The following PLXDC2 variants were observed in gnomAD, a reference collection of about 807,000 sequenced individuals.
PLXDC2 encodes plexin domain containing 2.
In PLXDC2, 40 loss-of-function variants were observed where a neutral mutation model predicts 68.9. The ratio of observed to expected loss-of-function variants is 0.58; its 90% CI spans 0.45 to 0.76. The LOEUF is 0.76. Among genes scored for constraint, PLXDC2 ranks in the 30% least tolerant of loss-of-function variants. The pLI is 0.00. For missense variants in PLXDC2, 644 were observed against 661.9 expected, an observed-to-expected ratio of 0.97 and a Z score of 0.30; for synonymous variants, 243 against 234.2, an observed-to-expected ratio of 1.04 and a Z score of -0.34.
chr10:20,122,006 G>A (rs2131761946), intron 4 of PLXDC2, among the ~76,000 whole-genome samples: 1 of 152,056 alleles, frequency 6.6e-6, no homozygotes, highest in East Asian at 1.9e-4. Context: ...TATACTTGTG[G>A]GTTAAGGTGG....
chr10:20,090,631 A>G (rs1833263886), intron 4 of PLXDC2, among the ~76,000 whole-genome samples: 1 of 152,174 alleles, frequency 6.6e-6, no homozygotes, highest in Non-Finnish European at 1.5e-5. Context: ...CAAGGTAGAA[A>G]AAAATTACAG....
chr10:19,880,135 A>AT (rs962751084), intron 1 of PLXDC2, among the ~76,000 whole-genome samples: 3 of 152,176 alleles, frequency 2.0e-5, no homozygotes, highest in African/African-American at 7.2e-5. Flanking sequence ...TTTACTAATA[A>AT]TTTTTTTGGT....
intron 13 of PLXDC2, among the ~76,000 whole-genome samples, chr10:20,272,820 A>G (rs1835956754): frequency 6.6e-6 from 1 of 152,222 alleles, no homozygotes; most frequent in African/African-American, 2.4e-5. Context: ...TTACTGACAT[A>G]ATAAATAAGC....
At chr10:20,208,036 A>G (rs1835016509) in intron 9 of PLXDC2, among the ~76,000 whole-genome samples, 1 of 152,194 alleles carries the variant, frequency 6.6e-6, no homozygotes, top group Non-Finnish European at 1.5e-5. Context: ...AAGATTGCAA[A>G]GTAATGCTTT....
At chr10:20,159,202 C>A (rs7069721) in intron 6 of PLXDC2, among the ~76,000 whole-genome samples, 1 of 151,894 alleles carries the variant, frequency 6.6e-6, no homozygotes, top group African/African-American at 2.4e-5. Flanking sequence ...TATGTTGTTC[C>A]CTGCATATCG....
intron 1 of PLXDC2, among the ~76,000 whole-genome samples, chr10:19,877,839 A>G (rs1194292539): frequency 1.3e-5 from 2 of 152,220 alleles, no homozygotes; most frequent in African/African-American, 4.8e-5. Context: ...TTAAAGCTTT[A>G]ATGAGTTTTC....
intron 1 of PLXDC2, among the ~76,000 whole-genome samples, chr10:19,956,450 A>C (rs1023188192): frequency 7.9e-5 from 12 of 152,210 alleles, no homozygotes; most frequent in African/African-American, 2.7e-4. Context: ...ATGTACAATT[A>C]CATGTGTGTC....
intron 4 of PLXDC2, among the ~76,000 whole-genome samples, chr10:20,111,717 G>A (rs1036343085): frequency 1.3e-5 from 2 of 152,098 alleles, no homozygotes; most frequent in Admixed American, 6.5e-5. Context: ...CGAGTCTCAC[G>A]GTTACTCCTT....
intron 9 of PLXDC2, among the ~76,000 whole-genome samples, chr10:20,207,766 G>A (rs1419184524): frequency 1.3e-5 from 2 of 152,106 alleles, no homozygotes; most frequent in Non-Finnish European, 2.9e-5. Context: ...AATTTAGGAT[G>A]CCAAATCCCA....
rs1226746835 is a variant in PLXDC2 at position 20,044,211 on chromosome 10, G to GTCTTTCTTTCTTTCTT, written c.325-2589_325-2574dup. On this transcript the variant is annotated intron_variant, in intron 2 of 13. Transcript: ENST00000377252. Reference sequence around the variant, plus strand: ...TTTCTTTCTCTCTCTCTCTCTCTCTGTCTTTCTTTCTTTCTTTCTTTCTTT... The same window carrying GTCTTTCTTTCTTTCTT: ...TTTCTTTCTCTCTCTCTCTCTCTCTGTCTTTCTTTCTTTCTTTCTTTCTTTCTTTCTTTCTTTCTTT... 2.1e-3 allele frequency among the ~76,000 whole-genome samples: 144 copies of GTCTTTCTTTCTTTCTT among 68,590 alleles called. 2 individuals are homozygous for GTCTTTCTTTCTTTCTT. Among genetic ancestry groups the GTCTTTCTTTCTTTCTT allele is most frequent in the Admixed American group, 3.8e-3 (22 of 5,790 alleles). 45.0% of individuals were successfully genotyped at this position (68,590 alleles called of 152,430 possible).
chr10:20,081,594 C>T (rs553022927), intron 4 of PLXDC2, among the ~76,000 whole-genome samples: 2 of 151,980 alleles, frequency 1.3e-5, no homozygotes, highest in African/African-American at 2.4e-5. Flanking sequence ...CTAGGAAGCT[C>T]GGAGAAAAAC....
chr10:20,047,074 T>A (rs981195263), intron 3 of PLXDC2, 59 bp downstream of exon 3: 14 of 1,493,824 alleles, frequency 9.4e-6, no homozygotes, highest in Non-Finnish European at 1.2e-5. Flanking sequence ...ATTGCTTTAA[T>A]TGGCCTACAA....
At chr10:20,223,969 T>C (rs1835252159) in intron 12 of PLXDC2, among the ~76,000 whole-genome samples, 1 of 115,606 alleles carries the variant, frequency 8.7e-6, no homozygotes, top group African/African-American at 4.3e-5. Flanking sequence ...AATCCTAGAA[T>C]GTATTTTTTT....
chr10:20,153,103 C>T (rs774379612), intron 6 of PLXDC2, among the ~76,000 whole-genome samples: 18 of 152,086 alleles, frequency 1.2e-4, no homozygotes, highest in Non-Finnish European at 2.1e-4. Context: ...ATGTATTTTT[C>T]TTCAGCTCCA....
chr10:20,210,744 C>T (rs2131856969), intron 9 of PLXDC2, among the ~76,000 whole-genome samples: 1 of 152,194 alleles, frequency 6.6e-6, no homozygotes, highest in South Asian at 2.1e-4. Context: ...GAGTGGAATC[C>T]AGGAGAGACC....
At chr10:20,221,036 T>A (rs1835204725) in intron 12 of PLXDC2, among the ~76,000 whole-genome samples, 1 of 151,650 alleles carries the variant, frequency 6.6e-6, no homozygotes, top group South Asian at 2.1e-4. Context: ...AGAGACGGGG[T>A]TTCATCATGT....
intron 12 of PLXDC2, among the ~76,000 whole-genome samples, chr10:20,232,985 C>T (rs1835385403): frequency 6.6e-6 from 1 of 151,884 alleles, no homozygotes; most frequent in Admixed American, 6.6e-5. Context: ...TAAATTCTTC[C>T]AGGCTTCTTA....
intron 13 of PLXDC2, among the ~76,000 whole-genome samples, chr10:20,259,598 G>T (rs1015397830): frequency 6.6e-6 from 1 of 152,160 alleles, no homozygotes; most frequent in Non-Finnish European, 1.5e-5. Flanking sequence ...GAATGTTGTT[G>T]GGTTTTATGT....
intron 1 of PLXDC2, among the ~76,000 whole-genome samples, chr10:19,869,735 A>G (rs899138241): frequency 3.3e-5 from 5 of 152,088 alleles, no homozygotes; most frequent in African/African-American, 1.2e-4. Flanking sequence ...TATTTAACGT[A>G]ATAACAATGC....
Sources: gnomAD v4.1 joint callset for allele counts (sites outside exome capture counted in the v4.1 genomes callset) on GRCh38, gnomAD v4.1.1 for gene constraint, MANE v1.5 for transcripts, NCBI Gene and HGNC (gene_info 2026-07-23, HGNC 2026-07-21) for gene names.